Variants in P4HTM observed in about 807,000 individuals in gnomAD.
The protein encoded by P4HTM is transmembrane prolyl 4-hydroxylase.
Under a neutral mutation model 55.3 loss-of-function variants are expected in P4HTM, and 33 were observed. The ratio of observed to expected loss-of-function variants is 0.60; its 90% CI spans 0.45 to 0.80. The LOEUF is 0.80. Among genes scored for constraint, P4HTM ranks in the 30% least tolerant of loss-of-function variants. P4HTM has a pLI of 0.00. For synonymous variants in P4HTM, 272 were observed against 286.4 expected (o/e 0.95, Z 0.51); for missense variants, 542 against 696.5 (o/e 0.78, Z 2.50).
At chr3:49,004,576 C>T in intron 5 of P4HTM, 1 of 555,820 alleles carries the variant, frequency 1.8e-6, no homozygotes, top group Admixed American at 3.5e-5. Flanking sequence ...AAATAAACAA[C>T]TTTCTTCCAG....
chr3:48,995,043 C>T (rs1466769468), intron 2 of P4HTM, among the ~76,000 whole-genome samples: 2 of 152,296 alleles, frequency 1.3e-5, no homozygotes, highest in Non-Finnish European at 2.9e-5. Flanking sequence ...TCAGGTGACC[C>T]ACCCACCTTG....
At chr3:49,001,160 C>A in intron 2 of P4HTM, 1 of 495,860 alleles carries the variant, frequency 2.0e-6, no homozygotes, top group Non-Finnish European at 3.7e-6. Context: ...TGGGTCAGCC[C>A]ATATCCAGGT....
At position 49,002,681 on chromosome 3, in the gene P4HTM, C is replaced by G; in HGVS notation, c.724+85C>G. Reference sequence around the variant, plus strand: ...ACAATTTTGAAAACTTGGGCCCTTCCCCCACAGCCAGGCAGCCTCTCTGCA... The same window carrying G: ...ACAATTTTGAAAACTTGGGCCCTTCGCCCACAGCCAGGCAGCCTCTCTGCA... On this transcript the variant is annotated intron_variant, in intron 4 of 8. Transcript: ENST00000383729. The surrounding 1 kb of genome is among the most constrained non-coding windows in gnomAD (Gnocchi z 4.4). 1 of 1,019,844 alleles carries G rather than the reference C, an allele frequency of 9.8e-7. No individual in the cohort carries two copies. The highest frequency in any genetic ancestry group is 2.4e-5 in the East Asian group (1 of 42,064). 63.2% of individuals were successfully genotyped at this position (1,019,844 alleles called of 1,614,324 possible). A position where few individuals can be genotyped will look rare whatever the true frequency, so the allele number is the denominator to read the frequency against.
At chr3:49,001,986 A>G (rs2092962542) in intron 3 of P4HTM, among the ~76,000 whole-genome samples, 1 of 152,218 alleles carries the variant, frequency 6.6e-6, no homozygotes, top group Non-Finnish European at 1.5e-5. Context: ...CTCTCTCTGC[A>G]TAACTCTCAC....
At chr3:49,004,719 G>A (rs999041246) in intron 5 of P4HTM, 142 bp from the exon 6 acceptor site, 6 of 766,954 alleles carry the variant, frequency 7.8e-6, no homozygotes, top group African/African-American at 5.2e-5. Context: ...CTCTTACAGG[G>A]CCAGTCTGAG....
Position 48,990,742 on chromosome 3 carries a change from C to T in P4HTM, c.355-91C>T. On this transcript the variant is annotated intron_variant, in intron 1 of 8. Coordinates refer to ENST00000383729, the MANE Select transcript of P4HTM (RefSeq NM_177939.3). The surrounding 1 kb of genome is among the most constrained non-coding windows in gnomAD (Gnocchi z 7.2). ...GGTCCCGCGCGCTCCCACTCACTCG[C>T]CTGCTGTCGCTCTCCGGGCCGGGGC... The T allele has an allele frequency of 6.6e-7, 1 of 1,505,848 alleles. No individual in the cohort carries two copies. The highest frequency in any genetic ancestry group is 9.0e-7 in the Non-Finnish European group (1 of 1,105,068). The allele number at this position is 1,505,848 out of a possible 1,614,324, so 93.3% of individuals were successfully genotyped here.
intron 2 of P4HTM, among the ~76,000 whole-genome samples, chr3:48,998,850 C>T (rs1428983996): frequency 6.6e-6 from 1 of 152,172 alleles, no homozygotes; most frequent in Non-Finnish European, 1.5e-5. Context: ...AGGAAACAGC[C>T]TTGGGATCTC....
chr3:49,006,841 G>A lies in P4HTM; in HGVS notation c.1443G>A (p.Gly481=). 1.2e-6 allele frequency: 2 copies of A among 1,613,246 alleles called. No individual in the cohort carries two copies. Among genetic ancestry groups the A allele is most frequent in the Non-Finnish European group, 1.7e-6 (2 of 1,180,020 alleles). ...QQEMARLARE[G]GTDSQPEWAL... Reference sequence around the variant, plus strand: ...AGATGGCCCGCCTTGCCCGAGAAGGGGGCACCGACTCACAGCCCGAGTGGG... The same window carrying A: ...AGATGGCCCGCCTTGCCCGAGAAGGAGGCACCGACTCACAGCCCGAGTGGG... Residue 481 remains glycine, a synonymous_variant, in exon 9 of 9, where the codon GGG becomes GGA. Transcript: ENST00000383729.
Position 49,004,958 on chromosome 3 carries a change from G to A in P4HTM, c.985G>A (p.Val329Met), listed in dbSNP as rs764778117. ...TGAGGGGGGCCACTACCATGCCCAC[G>A]TGGACAGTGGGCCTGTGTACCCAGA... Reference protein sequence around the residue: ...YGEGGHYHAHVDSGPVYPETI... With the variant: ...YGEGGHYHAHMDSGPVYPETI... The change falls in exon 6 of 9, where the codon GTG becomes ATG. Residue 329 changes from valine (V) to methionine (M), a missense_variant. This residue lies in a region of P4HTM where 536 missense variants were observed against 672.1 expected (regional missense o/e 0.80). Transcript: ENST00000383729. 58 of 1,613,774 alleles carry A rather than the reference G, an allele frequency of 3.6e-5. No homozygotes were observed. Among genetic ancestry groups the A allele is most frequent in the Non-Finnish European group, 4.4e-5 (52 of 1,179,940 alleles).
rs2092929638 is a variant in P4HTM at position 48,990,967 on chromosome 3, A to T, written c.436+53A>T. 1.4e-6 allele frequency: 2 copies of T among 1,384,836 alleles called. No homozygotes were observed. The highest frequency in any genetic ancestry group is 3.5e-5 in the Admixed American group (2 of 57,016). The allele number at this position is 1,384,836 out of a possible 1,614,324, so 85.8% of individuals were successfully genotyped here. On this transcript the variant is annotated intron_variant, in intron 2 of 8. Transcript: ENST00000383729. This position sits in a 1 kb window ranked among gnomAD's most constrained non-coding sequence, Gnocchi z 7.2. ...GGCCAGGGGCTGCGGTTTGGTGGCC[A>T]CCTTGAGGCTCGTTGTGACCACGTG...
chr3:48,991,892 G>A (rs909993491), intron 2 of P4HTM: 1 of 152,222 alleles, frequency 6.6e-6, no homozygotes, highest in African/African-American at 2.4e-5. Flanking sequence ...GATGGAATGG[G>A]TTAGGAGCTG....
At chr3:49,001,263 A>T in intron 2 of P4HTM, 175 bp from the exon 3 acceptor site, 1 of 651,990 alleles carries the variant, frequency 1.5e-6, no homozygotes, top group Admixed American at 2.2e-5. Context: ...CAGCCTTTGC[A>T]GGACAACTCA....
At chr3:49,000,185 T>C (rs2092957192) in intron 2 of P4HTM, among the ~76,000 whole-genome samples, 1 of 152,146 alleles carries the variant, frequency 6.6e-6, no homozygotes, top group South Asian at 2.1e-4. Flanking sequence ...AGTTGATGTG[T>C]ATGAAGTGCT....
rs1266208243 is a variant in P4HTM at position 48,990,420 on chromosome 3, T to A, written c.164T>A (p.Ile55Asn). 1.9e-6 allele frequency: 3 copies of A among 1,603,292 alleles called. No individual in the cohort carries two copies. Among genetic ancestry groups the A allele is most frequent in the Non-Finnish European group, 2.5e-6 (3 of 1,177,008 alleles). ...CGTCCGCTGTGCAAGCCCCGCGGCA[T>A]CTGCTCGCGCGCCTACTTCCTGGTG... Reference protein sequence around the residue: ...PVRPLCKPRGICSRAYFLVLM... With the variant: ...PVRPLCKPRGNCSRAYFLVLM... The change falls in exon 1 of 9, where the codon ATC (isoleucine) becomes AAC (asparagine). Residue 55 changes from isoleucine to asparagine, a missense_variant. Physicochemically the swap from Ile to Asn is moderately radical, Grantham distance 149 (BLOSUM62 -3). This residue lies in a region of P4HTM where 536 missense variants were observed against 672.1 expected (regional missense o/e 0.80). Transcript: ENST00000383729. The surrounding 1 kb of genome is among the most constrained non-coding windows in gnomAD (Gnocchi z 7.2).
chr3:49,004,898 G>A lies in P4HTM; in HGVS notation c.925G>A (p.Glu309Lys). ...CACTCGCCTGTCGCCTGAGATCGTG[G>A]AGCTCAGCGAGCCGCTGCAGGTTGT... The part of the protein sequence containing the change: ...RLTRLSPEIV[E>K]LSEPLQVVRY... Residue 309 changes from glutamate to lysine, a missense_variant, in exon 6 of 9, where the codon GAG becomes AAG. Glu to Lys is a moderately conservative substitution (Grantham distance 56). Transcript: ENST00000383729. 6.2e-7 allele frequency: 1 copy of A among 1,612,106 alleles called. No homozygotes were observed. Among genetic ancestry groups the A allele is most frequent in the Non-Finnish European group, 8.5e-7 (1 of 1,179,920 alleles).
At chr3:48,998,197 G>A (rs1441453041) in intron 2 of P4HTM, 3 of 152,436 alleles carry the variant, frequency 2.0e-5, no homozygotes, top group Middle Eastern at 3.4e-3. Flanking sequence ...CGGTCCAGGC[G>A]GGAGCCGTTG....
At position 48,990,762 on chromosome 3, in the gene P4HTM, C is replaced by T. The variant is rs2092928850; in HGVS notation, c.355-71C>T. On this transcript the variant is annotated intron_variant, in intron 1 of 8. Coordinates refer to ENST00000383729, the MANE Select transcript of P4HTM (RefSeq NM_177939.3). This position sits in a 1 kb window ranked among gnomAD's most constrained non-coding sequence, Gnocchi z 7.2. The stretch of plus-strand genomic sequence containing the variant: ...ACTCGCCTGCTGTCGCTCTCCGGGC[C>T]GGGGCGACTTGGCCCTTCTTGGGCA... 1 of 1,545,792 alleles carries T rather than the reference C, an allele frequency of 6.5e-7. No homozygotes were observed. The highest frequency in any genetic ancestry group is 1.4e-5 in the African/African-American group (1 of 73,326).
chr3:48,996,903 A>C (rs566437446), intron 2 of P4HTM, among the ~76,000 whole-genome samples: 34 of 152,316 alleles, frequency 2.2e-4, no homozygotes, highest in African/African-American at 8.2e-4. Flanking sequence ...GCCACTAGCC[A>C]GGCTGTCATC....
At chr3:49,004,757 G>C in intron 5 of P4HTM, 104 bp from the exon 6 acceptor site, 6 of 1,188,520 alleles carry the variant, frequency 5.0e-6, no homozygotes, top group Non-Finnish European at 7.1e-6. Context: ...CAGGGGAGGT[G>C]GGTAGGGGCA....
Sources: allele counts gnomAD v4.1 joint callset (sites outside exome capture counted in the v4.1 genomes callset), GRCh38; gene constraint gnomAD v4.1.1; regional missense constraint gnomAD v4.1.1; non-coding constraint Gnocchi (gnomAD v3.1); transcripts MANE v1.5; gene names NCBI Gene and HGNC (gene_info 2026-07-23, HGNC 2026-07-21).